The following SEPTIN11 variants were observed in gnomAD, a reference collection of about 807,000 sequenced individuals.
SEPTIN11 encodes the protein septin-11.
SEPTIN11 carries 25 observed loss-of-function variants against 51.4 expected under a neutral mutation model. The ratio of observed to expected loss-of-function variants is 0.49; its 90% CI spans 0.35 to 0.68. The LOEUF (loss-of-function observed/expected upper bound fraction) is 0.68. Ranked by LOEUF, SEPTIN11 falls within the 30% of genes least tolerant of loss-of-function variation. The pLI, the probability that SEPTIN11 is intolerant of heterozygous loss-of-function variation, is 0.00. For synonymous variants in SEPTIN11, 174 were observed against 184.1 expected, an observed-to-expected ratio of 0.95 and a Z score of 0.44; for missense variants, 381 against 520.8, an observed-to-expected ratio of 0.73 and a Z score of 2.61.
chr4:76,984,545 A>G lies in SEPTIN11; in HGVS notation c.28-11880A>G, dbSNP rs1001095838. On this transcript the variant is annotated intron_variant, in intron 1 of 9. Coordinates refer to ENST00000264893, the MANE Select transcript of SEPTIN11 (RefSeq NM_018243.4). This position sits in a 1 kb window ranked among gnomAD's most constrained non-coding sequence, Gnocchi z 4.1. ...TCAGTGAATAGAAATAGATGAACTG[A>G]GCCACAATATTTCTCAAACAGGAAA... Among the ~76,000 whole-genome samples, 5 of 152,210 alleles carry G rather than the reference A, an allele frequency of 3.3e-5. No individual in the cohort carries two copies. Among genetic ancestry groups the G allele is most frequent in the Non-Finnish European group, 4.4e-5 (3 of 68,040 alleles).
intron 9 of SEPTIN11, among the ~76,000 whole-genome samples, chr4:77,033,323 C>A (rs1270741932): frequency 6.6e-6 from 1 of 152,192 alleles, no homozygotes; most frequent in Non-Finnish European, 1.5e-5. Flanking sequence ...CATTCAGGAA[C>A]TGACTTTGTT....
intron 4 of SEPTIN11, among the ~76,000 whole-genome samples, chr4:77,012,524 G>A (rs145395554): frequency 4.6e-5 from 7 of 152,254 alleles, no homozygotes; most frequent in Non-Finnish European, 8.8e-5. Context: ...AATACATTCT[G>A]AAATAAGGAT....
At position 76,979,952 on chromosome 4, in the gene SEPTIN11, A is replaced by G. The variant is rs548686362; in HGVS notation, c.28-16473A>G. Among the ~76,000 whole-genome samples, 24 of 152,314 alleles carry G rather than the reference A, an allele frequency of 1.6e-4. No individual in the cohort carries two copies. The South Asian group carries it at 5.0e-3, about 32-fold the overall frequency. ...ATTGAGAAGCTTGAAGGGTAGACCA[A>G]GCATCAAGCATGGTGACCTTTGAAT... On this transcript the variant is annotated intron_variant, in intron 1 of 9. Transcript: ENST00000264893.
chr4:77,011,137 A>G (rs1166096839), intron 3 of SEPTIN11, among the ~76,000 whole-genome samples: 1 of 152,168 alleles, frequency 6.6e-6, no homozygotes, highest in Admixed American at 6.5e-5. Context: ...GCACAGGGCT[A>G]TGGGAGCACA....
At chr4:77,030,031 G>A (rs752073552) in intron 8 of SEPTIN11, among the ~76,000 whole-genome samples, 8 of 152,048 alleles carry the variant, frequency 5.3e-5, no homozygotes, top group Non-Finnish European at 1.2e-4. Context: ...TGCCAAGGTG[G>A]GAGGATCACG....
intron 1 of SEPTIN11, among the ~76,000 whole-genome samples, chr4:76,980,360 C>G (rs908270323): frequency 3.3e-5 from 5 of 152,174 alleles, no homozygotes; most frequent in African/African-American, 1.2e-4. Flanking sequence ...ATGCATGTGA[C>G]TTGTGGCTGT....
intron 1 of SEPTIN11, among the ~76,000 whole-genome samples, chr4:76,994,900 CTTTTT>C (rs55728971): frequency 0.016 from 900 of 54,876 alleles, 12 homozygotes; most frequent in African/African-American, 0.056. Context: ...CTGTACAAAG[CTTTTT>C]TTTTTTTTTT....
intron 1 of SEPTIN11, among the ~76,000 whole-genome samples, chr4:76,969,446 AATATGAG>A (rs1327907514): frequency 1.3e-5 from 2 of 152,186 alleles, no homozygotes; most frequent in African/African-American, 4.8e-5. Context: ...AAAGGTACAA[AATATGAG>A]ACATTTGAAC....
At chr4:77,030,071 A>AT (rs149453178) in intron 8 of SEPTIN11, among the ~76,000 whole-genome samples, 11,238 of 152,014 alleles carry the variant, frequency 0.074, 815 homozygotes, top group African/African-American at 0.19. Context: ...AGCCTGGGCA[A>AT]ATGGTGAAAC....
intron 1 of SEPTIN11, among the ~76,000 whole-genome samples, chr4:76,970,523 T>TA (rs2109900278): frequency 6.6e-6 from 1 of 152,338 alleles, no homozygotes; most frequent in Non-Finnish European, 1.5e-5. Context: ...CAGGAATTCT[T>TA]ACAGTTATCA....
chr4:76,975,386 A>T (rs1182775024), intron 1 of SEPTIN11, among the ~76,000 whole-genome samples: 1 of 152,188 alleles, frequency 6.6e-6, no homozygotes, highest in Non-Finnish European at 1.5e-5. Context: ...AGCCATTCCC[A>T]TAGGTTTTTG....
intron 1 of SEPTIN11, among the ~76,000 whole-genome samples, chr4:76,992,346 G>T (rs1723426288): frequency 6.6e-6 from 1 of 152,088 alleles, no homozygotes; most frequent in East Asian, 1.9e-4. Flanking sequence ...TATAACAGCT[G>T]AAATAATTAT....
chr4:76,957,580 G>A (rs1162409594), intron 1 of SEPTIN11, among the ~76,000 whole-genome samples: 1 of 152,138 alleles, frequency 6.6e-6, no homozygotes, highest in Non-Finnish European at 1.5e-5. Flanking sequence ...ATAAAAGTTG[G>A]TTATCTGAGG....
intron 9 of SEPTIN11, chr4:77,031,987 CT>C (rs1338128005): frequency 6.6e-6 from 1 of 152,118 alleles, no homozygotes; most frequent in Non-Finnish European, 1.5e-5. Context: ...GAATTACATT[CT>C]TTAAACATAG....
intron 1 of SEPTIN11, among the ~76,000 whole-genome samples, chr4:76,983,314 G>A: frequency 6.6e-6 from 1 of 152,208 alleles, no homozygotes; most frequent in Non-Finnish European, 1.5e-5. Flanking sequence ...GTGACCTCGT[G>A]GCTTGGAACC....
At chr4:77,017,274 T>C (rs1725370279) in intron 5 of SEPTIN11, among the ~76,000 whole-genome samples, 2 of 152,234 alleles carry the variant, frequency 1.3e-5, no homozygotes, top group African/African-American at 4.8e-5. Flanking sequence ...TTTATCAGAT[T>C]AATAGAACTG....
intron 1 of SEPTIN11, 45 bp from the exon 2 acceptor site, chr4:76,996,380 G>T: frequency 7.9e-7 from 1 of 1,267,052 alleles, no homozygotes; most frequent in South Asian, 1.2e-5. Context: ...ATATCCAGGT[G>T]GCATGGTTCA....
At chr4:77,033,402 TA>T (rs1205165329) in intron 9 of SEPTIN11, among the ~76,000 whole-genome samples, 1 of 152,226 alleles carries the variant, frequency 6.6e-6, no homozygotes, top group Non-Finnish European at 1.5e-5. Flanking sequence ...AAGCCTAACT[TA>T]GTTTTTCTAA....
At chr4:76,953,917 T>G (rs981461237) in intron 1 of SEPTIN11, among the ~76,000 whole-genome samples, 2 of 152,166 alleles carry the variant, frequency 1.3e-5, no homozygotes, top group African/African-American at 4.8e-5. Flanking sequence ...TTCTTAGGTG[T>G]TTAGTCTATT....
Sources: allele counts gnomAD v4.1 joint callset (sites outside exome capture counted in the v4.1 genomes callset), GRCh38; gene constraint gnomAD v4.1.1; non-coding constraint Gnocchi (gnomAD v3.1); transcripts MANE v1.5; gene names NCBI Gene and HGNC (gene_info 2026-07-23, HGNC 2026-07-21).